The following CSMD1 variants were observed in gnomAD, a reference collection of about 807,000 sequenced individuals.
The protein encoded by CSMD1 is CUB and Sushi multiple domains 1, also known as CUB and sushi domain-containing protein 1.
Under a neutral mutation model 417.5 loss-of-function variants are expected in CSMD1, and 213 were observed. The ratio of observed to expected loss-of-function variants is 0.51; its 90% CI spans 0.46 to 0.57. The LOEUF is 0.57. CSMD1 is among the 20% of genes least tolerant of loss of function. CSMD1 has a pLI of 0.00. For missense variants in CSMD1, 6,923 were observed against 4,529.7 expected (o/e 1.53, Z -15.17); for synonymous variants, 2,862 against 1,736.8 (o/e 1.65, Z -16.11).
At chr8:3,226,321 G>A (rs984199323) in intron 27 of CSMD1, among the ~76,000 whole-genome samples, 1 of 152,198 alleles carries the variant, frequency 6.6e-6, no homozygotes, top group East Asian at 1.9e-4. Context: ...GGTGGCTCAC[G>A]CTTGTAATCC....
chr8:4,074,392 A>C (rs1489170450), intron 3 of CSMD1, among the ~76,000 whole-genome samples: 1 of 152,136 alleles, frequency 6.6e-6, no homozygotes, highest in South Asian at 2.1e-4. Flanking sequence ...TTCAATGTCT[A>C]TCTCATCAAG....
At chr8:4,682,036 T>G (rs1384219430) in intron 1 of CSMD1, among the ~76,000 whole-genome samples, 4 of 152,176 alleles carry the variant, frequency 2.6e-5, no homozygotes, top group Non-Finnish European at 5.9e-5. Flanking sequence ...GTTGTTATTT[T>G]GAGACAGGGT....
At chr8:3,434,865 A>T (rs919021555) in intron 12 of CSMD1, among the ~76,000 whole-genome samples, 1 of 152,214 alleles carries the variant, frequency 6.6e-6, no homozygotes, top group African/African-American at 2.4e-5. Flanking sequence ...TCGGAAAATT[A>T]AAAAAAGTTA....
intron 3 of CSMD1, among the ~76,000 whole-genome samples, chr8:4,165,140 T>C (rs867049571): frequency 6.6e-6 from 1 of 152,166 alleles, no homozygotes; most frequent in East Asian, 1.9e-4. Context: ...CAGGTATCTA[T>C]ATTTCAGCCT....
chr8:4,271,381 G>A (rs531470124), intron 3 of CSMD1, among the ~76,000 whole-genome samples: 1 of 152,044 alleles, frequency 6.6e-6, no homozygotes, highest in Non-Finnish European at 1.5e-5. Context: ...ATAAATAAAA[G>A]TTTAAAAAAT....
chr8:3,247,822 A>G (rs1181387419), intron 26 of CSMD1, among the ~76,000 whole-genome samples: 1 of 152,212 alleles, frequency 6.6e-6, no homozygotes, highest in African/African-American at 2.4e-5. Flanking sequence ...GAAACCTCCA[A>G]TCTACTGTAC....
chr8:3,366,880 T>G (rs1158661758), intron 20 of CSMD1, among the ~76,000 whole-genome samples, 152 bp downstream of exon 20: 4 of 152,138 alleles, frequency 2.6e-5, no homozygotes, highest in African/African-American at 9.7e-5. Context: ...AGGCTCAGCC[T>G]CCTGCACCCC....
At chr8:4,974,244 T>A (rs957030042) in intron 1 of CSMD1, among the ~76,000 whole-genome samples, 1 of 151,992 alleles carries the variant, frequency 6.6e-6, no homozygotes, top group Admixed American at 6.6e-5. Flanking sequence ...CAGGCTGGTC[T>A]TGAACTCCTG....
intron 39 of CSMD1, among the ~76,000 whole-genome samples, chr8:3,153,362 G>C (rs902575037): frequency 1.3e-5 from 2 of 152,190 alleles, no homozygotes; most frequent in African/African-American, 4.8e-5. Flanking sequence ...TCTGTCTATG[G>C]AGTAACCATT....
intron 5 of CSMD1, among the ~76,000 whole-genome samples, chr8:3,984,737 A>G (rs867923157): frequency 2.1e-5 from 2 of 95,672 alleles, no homozygotes; most frequent in African/African-American, 4.4e-5. Context: ...ATATATATAT[A>G]TATATATATA....
chr8:3,490,319 A>G (rs895703), intron 11 of CSMD1, among the ~76,000 whole-genome samples: 57,477 of 151,906 alleles, frequency 0.38, 10,990 homozygotes, highest in Middle Eastern at 0.46. Context: ...ACTTCTGTCA[A>G]TGTAATACAT....
intron 3 of CSMD1, among the ~76,000 whole-genome samples, chr8:4,051,916 C>CTTTA: frequency 6.8e-6 from 1 of 146,630 alleles, no homozygotes; most frequent in South Asian, 2.2e-4. Flanking sequence ...TCCTTCCTTT[C>CTTTA]TTTCTTTTTC....
At chr8:4,499,760 T>G (rs977722810) in intron 2 of CSMD1, among the ~76,000 whole-genome samples, 13 of 152,140 alleles carry the variant, frequency 8.5e-5, no homozygotes, top group Admixed American at 2.6e-4. Context: ...ATAAGAAAGT[T>G]AGTAAAGGTG....
chr8:4,738,421 C>G (rs975400586), intron 1 of CSMD1, among the ~76,000 whole-genome samples: 2 of 151,986 alleles, frequency 1.3e-5, no homozygotes, highest in African/African-American at 2.4e-5. Context: ...AAGGGCTGAG[C>G]GAAGGGGGAA....
chr8:3,617,931 G>C (rs1802224259), intron 7 of CSMD1, among the ~76,000 whole-genome samples: 1 of 152,116 alleles, frequency 6.6e-6, no homozygotes, highest in East Asian at 1.9e-4. Flanking sequence ...TAATATGTCT[G>C]GGTATATGTG....
At chr8:4,270,626 T>G (rs1394146655) in intron 3 of CSMD1, among the ~76,000 whole-genome samples, 1 of 152,200 alleles carries the variant, frequency 6.6e-6, no homozygotes, top group African/African-American at 2.4e-5. Context: ...TCTGATAGAA[T>G]TAAACCTGCC....
chr8:3,904,443 T>C (rs982897842), intron 5 of CSMD1, among the ~76,000 whole-genome samples: 3 of 152,176 alleles, frequency 2.0e-5, no homozygotes, highest in African/African-American at 7.2e-5. Context: ...TGTCTAGGAA[T>C]GTCCCAGAGA....
At chr8:3,658,301 A>G (rs142417649) in intron 7 of CSMD1, among the ~76,000 whole-genome samples, 5 of 152,192 alleles carry the variant, frequency 3.3e-5, no homozygotes, top group African/African-American at 1.2e-4. Context: ...GTGTATAAAC[A>G]ATGGATTTAG....
chr8:4,373,076 C>G (rs923411419), intron 3 of CSMD1, among the ~76,000 whole-genome samples: 12 of 152,264 alleles, frequency 7.9e-5, no homozygotes, highest in Admixed American at 7.8e-4. Context: ...AGACAGTTTA[C>G]CTGTGTGGTC....
Sources: gnomAD v4.1 joint callset for allele counts (sites outside exome capture counted in the v4.1 genomes callset) on GRCh38, gnomAD v4.1.1 for gene constraint, MANE v1.5 for transcripts, NCBI Gene and HGNC (gene_info 2026-07-23, HGNC 2026-07-21) for gene names.